The following FBXL17 variants were observed in gnomAD, a reference collection of about 807,000 sequenced individuals.
The protein encoded by FBXL17 is F-box/LRR-repeat protein 17.
In FBXL17, 22 loss-of-function variants were observed where a neutral mutation model predicts 66.2. That is an observed-to-expected ratio of 0.33 (90% CI 0.24 to 0.47). The LOEUF (loss-of-function observed/expected upper bound fraction) is 0.47, where lower values mean the gene tolerates loss of function less well. Ranked by LOEUF, FBXL17 falls within the 20% of genes least tolerant of loss-of-function variation. The pLI is 1.00. For missense variants in FBXL17, 878 were observed against 948.2 expected (o/e 0.93, Z 0.97); for synonymous variants, 474 against 400.5 (o/e 1.18, Z -2.19).
chr5:107,890,195 C>T (rs1749150677), intron 7 of FBXL17, among the ~76,000 whole-genome samples: 2 of 152,178 alleles, frequency 1.3e-5, no homozygotes, highest in South Asian at 4.1e-4. Context: ...CATTAGATTT[C>T]CTCACTTTAT....
intron 7 of FBXL17, among the ~76,000 whole-genome samples, chr5:107,917,200 C>A (rs1261925635): frequency 6.6e-6 from 1 of 152,090 alleles, no homozygotes; most frequent in Non-Finnish European, 1.5e-5. Flanking sequence ...TAGAAGAGAG[C>A]AAATGGGGTG....
At chr5:108,078,511 A>C (rs1422481951) in intron 6 of FBXL17, among the ~76,000 whole-genome samples, 2 of 152,196 alleles carry the variant, frequency 1.3e-5, no homozygotes, top group Admixed American at 6.5e-5. Flanking sequence ...TTGTGAGGGA[A>C]ATTTGCATCT....
intron 4 of FBXL17, among the ~76,000 whole-genome samples, chr5:108,250,658 T>C (rs1308244891): frequency 1.3e-5 from 2 of 152,088 alleles, no homozygotes; most frequent in Non-Finnish European, 2.9e-5. Flanking sequence ...ATGTATTGGG[T>C]TAGAATATAT....
At chr5:108,085,340 G>A (rs1220056216) in intron 6 of FBXL17, among the ~76,000 whole-genome samples, 1 of 152,166 alleles carries the variant, frequency 6.6e-6, no homozygotes, top group Non-Finnish European at 1.5e-5. Flanking sequence ...ACAGCCAGAG[G>A]CATTTTCCAA....
chr5:107,867,987 T>C (rs1311823426), intron 8 of FBXL17, among the ~76,000 whole-genome samples: 2 of 152,198 alleles, frequency 1.3e-5, no homozygotes, highest in African/African-American at 4.8e-5. Flanking sequence ...AATATTTTAC[T>C]CAAATAACCA....
At chr5:108,305,724 T>C (rs1027615040) in intron 4 of FBXL17, among the ~76,000 whole-genome samples, 1 of 151,978 alleles carries the variant, frequency 6.6e-6, no homozygotes, top group Non-Finnish European at 1.5e-5. Context: ...AAGAGAAGAC[T>C]AAGAAAACTA....
intron 8 of FBXL17, chr5:107,878,648 T>C (rs959633621): frequency 1.8e-5 from 18 of 985,330 alleles, no homozygotes; most frequent in Middle Eastern, 5.2e-4. Context: ...ACTTAAAATC[T>C]GGAGATGGAT....
At chr5:107,979,550 C>T (rs746903550) in intron 7 of FBXL17, among the ~76,000 whole-genome samples, 18 of 152,172 alleles carry the variant, frequency 1.2e-4, no homozygotes, top group Non-Finnish European at 2.5e-4. Context: ...GTTCTCCAAG[C>T]CAGCATCCCT....
chr5:107,879,267 G>C (rs1311154527), intron 8 of FBXL17: 1 of 985,356 alleles, frequency 1.0e-6, no homozygotes, highest in African/African-American at 1.7e-5. Flanking sequence ...GGTAGCTTTA[G>C]TTAGCATTCA....
At chr5:107,863,566 AC>A (rs1159374406) in intron 8 of FBXL17, among the ~76,000 whole-genome samples, 1 of 151,898 alleles carries the variant, frequency 6.6e-6, no homozygotes. Context: ...AATACTCCCT[AC>A]TTTTCCCCCA....
rs754065643 is a variant in FBXL17, at chr5:108,364,852, G to A, written c.1260C>T (p.Tyr420=). The A allele has an allele frequency of 2.5e-6, 4 of 1,613,070 alleles. No homozygotes were observed. The South Asian group carries it at 4.4e-5, about 18-fold the overall frequency. ...AGGTGTCAGAAAGCTGTTTACACCT[G>A]TAGGCTGTATACCTAAGAAGTCCAG... ...KCPGLLRYTA[Y]RCKQLSDTSI... The change falls in exon 3 of 9, where the codon TAC becomes TAT. Residue 420 remains tyrosine, a synonymous_variant. Coordinates refer to ENST00000542267, the MANE Select transcript of FBXL17 (RefSeq NM_001163315.3).
Position 108,234,221 on chromosome 5 carries a change from C to T in FBXL17, c.1507-9993G>A, listed in dbSNP as rs1000246544. Among the ~76,000 whole-genome samples the T allele has an allele frequency of 5.9e-5, 9 of 152,218 alleles. No individual in the cohort carries two copies. In the South Asian group the frequency reaches 6.2e-4, roughly 11 times the overall value. On this transcript the variant is annotated intron_variant, in intron 4 of 8. Transcript: ENST00000542267. ...TAAACTTGGAGATTCAGTCTCTAGA[C>T]GGCTCACACTCAGCCGAGGTTTGGG...
chr5:108,340,879 T>C (rs187874998), intron 4 of FBXL17, among the ~76,000 whole-genome samples: 2 of 151,914 alleles, frequency 1.3e-5, no homozygotes, highest in Admixed American at 6.6e-5. Flanking sequence ...CTCAAAAGAG[T>C]TGACACTCCA....
chr5:107,953,140 C>T (rs951229896), intron 7 of FBXL17, among the ~76,000 whole-genome samples: 6 of 151,984 alleles, frequency 3.9e-5, no homozygotes, highest in African/African-American at 7.2e-5. Context: ...CTGTGGCTCA[C>T]GCCTGTAATC....
At chr5:108,266,858 T>C (rs574422861) in intron 4 of FBXL17, among the ~76,000 whole-genome samples, 1 of 152,244 alleles carries the variant, frequency 6.6e-6, no homozygotes, top group Admixed American at 6.5e-5. Flanking sequence ...TGTGTTCTGA[T>C]TGAGGGCAGT....
intron 6 of FBXL17, among the ~76,000 whole-genome samples, chr5:108,180,829 T>A (rs1335977048): frequency 6.6e-6 from 1 of 152,144 alleles, no homozygotes; most frequent in Non-Finnish European, 1.5e-5. Flanking sequence ...TTCTCCTAAT[T>A]CATGAGCATG....
intron 3 of FBXL17, among the ~76,000 whole-genome samples, chr5:108,357,721 CGT>C (rs1491227306): frequency 1.5e-5 from 2 of 136,086 alleles, no homozygotes; most frequent in African/African-American, 5.0e-5. Flanking sequence ...TTAAATAACA[CGT>C]TTTTTTTTTA....
chr5:108,190,392 T>G (rs750283718), intron 5 of FBXL17, among the ~76,000 whole-genome samples: 1 of 152,164 alleles, frequency 6.6e-6, no homozygotes, highest in Non-Finnish European at 1.5e-5. Flanking sequence ...ACAGAGAGTC[T>G]GAGACAGAGA....
At chr5:108,377,715 T>A (rs1448068112) in intron 1 of FBXL17, among the ~76,000 whole-genome samples, 2 of 152,256 alleles carry the variant, frequency 1.3e-5, no homozygotes, top group African/African-American at 4.8e-5. Context: ...ACCAAACTCT[T>A]CATGCAGCCA....
Sources: allele counts gnomAD v4.1 joint callset (sites outside exome capture counted in the v4.1 genomes callset), GRCh38; gene constraint gnomAD v4.1.1; transcripts MANE v1.5; gene names NCBI Gene and HGNC (gene_info 2026-07-23, HGNC 2026-07-21).